SLC35F3: variants seen among roughly 807,000 people sequenced by gnomAD.
SLC35F3 encodes the protein putative thiamine transporter SLC35F3.
In SLC35F3, 25 loss-of-function variants were observed where a neutral mutation model predicts 49.9. The observed-to-expected ratio is 0.50, with a 90% CI of 0.37 to 0.70. The LOEUF (loss-of-function observed/expected upper bound fraction) is 0.70, where lower values mean the gene tolerates loss of function less well. Among genes scored for constraint, SLC35F3 ranks in the 30% least tolerant of loss-of-function variants. The probability of loss-of-function intolerance (pLI) is 0.00; values close to 1 mark genes in which losing one functional copy is unlikely to be tolerated. For missense variants in SLC35F3, 525 were observed against 639.8 expected (o/e 0.82, Z 1.94); for synonymous variants, 275 against 265.4 (o/e 1.04, Z -0.35).
intron 2 of SLC35F3, among the ~76,000 whole-genome samples, chr1:234,081,911 T>TA (rs1415727400): frequency 9.0e-6 from 1 of 111,618 alleles, no homozygotes; most frequent in East Asian, 2.5e-4. Context: ...CTAATTTTTT[T>TA]TTTTTTTTTT....
intron 2 of SLC35F3, among the ~76,000 whole-genome samples, chr1:233,921,000 G>A (rs1332672621): frequency 6.6e-6 from 1 of 152,240 alleles, no homozygotes; most frequent in Non-Finnish European, 1.5e-5. Flanking sequence ...CAACTAAGCT[G>A]TACCCAGATC....
intron 2 of SLC35F3, among the ~76,000 whole-genome samples, chr1:234,193,009 A>G (rs1158136447): frequency 2.0e-5 from 3 of 152,206 alleles, no homozygotes; most frequent in Admixed American, 2.0e-4. Flanking sequence ...TATTGTGAAA[A>G]TGACCATACT....
chr1:234,293,367 G>A (rs1204682634), intron 3 of SLC35F3, among the ~76,000 whole-genome samples: 2 of 152,202 alleles, frequency 1.3e-5, no homozygotes, highest in Admixed American at 6.5e-5. Flanking sequence ...GAGCTCAGCT[G>A]TACCCAGGAG....
At chr1:234,144,606 T>TTTA (rs1665970307) in intron 2 of SLC35F3, among the ~76,000 whole-genome samples, 1 of 152,246 alleles carries the variant, frequency 6.6e-6, no homozygotes, top group Non-Finnish European at 1.5e-5. Flanking sequence ...GCTAGGCAAC[T>TTTA]ATTTTAAATC....
At chr1:234,189,515 CAA>C (rs74839155) in intron 2 of SLC35F3, among the ~76,000 whole-genome samples, 132 of 117,296 alleles carry the variant, frequency 1.1e-3, no homozygotes, top group African/African-American at 3.2e-3. Context: ...CCAACACAGA[CAA>C]AAAAAAAAAA....
intron 2 of SLC35F3, chr1:234,213,904 A>C (rs1667075570): frequency 6.6e-6 from 1 of 152,398 alleles, no homozygotes; most frequent in African/African-American, 2.4e-5. Context: ...CAGCCTTGGG[A>C]AGCTTTGCTT....
intron 2 of SLC35F3, among the ~76,000 whole-genome samples, chr1:234,222,993 G>A (rs1667232819): frequency 6.6e-6 from 1 of 152,182 alleles, no homozygotes; most frequent in Non-Finnish European, 1.5e-5. Context: ...TAAAACTGAT[G>A]CCCTCAAGTT....
chr1:234,178,376 T>C (rs1666506739), intron 2 of SLC35F3, among the ~76,000 whole-genome samples: 1 of 152,120 alleles, frequency 6.6e-6, no homozygotes, highest in Non-Finnish European at 1.5e-5. Context: ...TCTGGCCATT[T>C]TCAGCTGCCA....
intron 3 of SLC35F3, among the ~76,000 whole-genome samples, chr1:234,297,691 C>T (rs966073009): frequency 6.6e-6 from 1 of 151,204 alleles, no homozygotes; most frequent in Non-Finnish European, 1.5e-5. Flanking sequence ...CTGCAGTGAG[C>T]CATGATCATG....
intron 3 of SLC35F3, among the ~76,000 whole-genome samples, chr1:234,293,584 C>T (rs1668542871): frequency 6.6e-6 from 1 of 152,208 alleles, no homozygotes. Context: ...CATGGAAATC[C>T]ATCCAGCTCT....
intron 2 of SLC35F3, among the ~76,000 whole-genome samples, chr1:233,966,376 C>T (rs756065177): frequency 7.2e-5 from 11 of 152,174 alleles, no homozygotes; most frequent in Non-Finnish European, 1.5e-4. Flanking sequence ...CAGACCTAAT[C>T]TGGATGGAGA....
intron 3 of SLC35F3, among the ~76,000 whole-genome samples, chr1:234,245,060 T>A (rs1667610943): frequency 2.6e-5 from 4 of 152,172 alleles, no homozygotes; most frequent in Non-Finnish European, 5.9e-5. Flanking sequence ...TAGTACTCTT[T>A]TCTTCTATCT....
At chr1:233,961,793 G>A (rs950963242) in intron 2 of SLC35F3, among the ~76,000 whole-genome samples, 5 of 152,154 alleles carry the variant, frequency 3.3e-5, no homozygotes, top group Admixed American at 2.0e-4. Context: ...CTGTCTGTCA[G>A]GTCGTAGCTC....
intron 5 of SLC35F3, among the ~76,000 whole-genome samples, chr1:234,318,411 G>T (rs559260294): frequency 6.6e-6 from 1 of 152,308 alleles, no homozygotes; most frequent in Admixed American, 6.5e-5. Flanking sequence ...CAGGGTCCAG[G>T]ATCCCTTCCA....
At chr1:234,096,993 G>T (rs1266037229) in intron 2 of SLC35F3, among the ~76,000 whole-genome samples, 3 of 151,030 alleles carry the variant, frequency 2.0e-5, no homozygotes, top group Non-Finnish European at 4.4e-5. Flanking sequence ...GGGTTCAAGC[G>T]ATTCTCCTGC....
intron 2 of SLC35F3, among the ~76,000 whole-genome samples, chr1:233,997,218 G>A (rs146651117): frequency 2.2e-4 from 33 of 152,196 alleles, no homozygotes; most frequent in Middle Eastern, 3.4e-3. Context: ...GAACATGGGC[G>A]TGCAGACATC....
chr1:234,103,070 C>A (rs1391254715), intron 2 of SLC35F3, among the ~76,000 whole-genome samples: 2 of 152,216 alleles, frequency 1.3e-5, no homozygotes, highest in African/African-American at 4.8e-5. Flanking sequence ...ATTAGATTCA[C>A]TCTAAAGAGA....
intron 2 of SLC35F3, among the ~76,000 whole-genome samples, chr1:233,918,881 T>C (rs4920174): frequency 0.93 from 140,203 of 151,414 alleles, 65,878 homozygotes; most frequent in East Asian, 1. Flanking sequence ...TTAATAGTAC[T>C]AGTGTGGTTA....
chr1:234,169,869 G>A lies in SLC35F3; in HGVS notation c.284-61548G>A, dbSNP rs188765984. 2.5e-4 allele frequency among the ~76,000 whole-genome samples: 38 copies of A among 152,242 alleles called. No individual in the cohort carries two copies. The East Asian group carries it at 5.6e-3, about 22-fold the overall frequency. On this transcript the variant is annotated intron_variant, in intron 2 of 7. Coordinates refer to ENST00000366618, the MANE Select transcript of SLC35F3 (RefSeq NM_173508.4). ...TGCAAGCTCCGCCTCCCGGGTTCACGCCATTCTCCTGCCTCAGCCTCCGGA... is the reference window on the plus strand; with the variant it reads ...TGCAAGCTCCGCCTCCCGGGTTCACACCATTCTCCTGCCTCAGCCTCCGGA...
Sources: allele counts gnomAD v4.1 joint callset (sites outside exome capture counted in the v4.1 genomes callset), GRCh38; gene constraint gnomAD v4.1.1; transcripts MANE v1.5; gene names NCBI Gene and HGNC (gene_info 2026-07-23, HGNC 2026-07-21).